Variants in KLRG1 observed in about 807,000 individuals in gnomAD.
KLRG1 encodes the protein killer cell lectin-like receptor subfamily G member 1.
A neutral mutation model predicts 21.8 loss-of-function variants in KLRG1; 16 were observed. The observed-to-expected ratio is 0.73, with a 90% CI of 0.50 to 1.11. The LOEUF (loss-of-function observed/expected upper bound fraction) is 1.11, where lower values mean the gene tolerates loss of function less well. Among genes scored for constraint, KLRG1 ranks in the 50% most tolerant of loss-of-function variants. The pLI is 0.00. For missense variants in KLRG1, 173 were observed against 218.3 expected (o/e 0.79, Z 1.31); for synonymous variants, 69 against 75.9 (o/e 0.91, Z 0.47).
the KLRG1 span, chr12:9,072,799 G>C: frequency 1.2e-6 from 2 of 1,614,212 alleles, no homozygotes; most frequent in African/African-American, 1.3e-5. Flanking sequence ...ATAGTCACCT[G>C]TGCAGCCTTC....
chr12:9,021,124 T>A, the KLRG1 span, among the ~76,000 whole-genome samples: 3 of 152,086 alleles, frequency 2.0e-5, no homozygotes, highest in South Asian at 6.2e-4. Flanking sequence ...CATATGACAC[T>A]TACCATGAAT....
the KLRG1 span, chr12:9,169,785 G>A: frequency 2.2e-6 from 1 of 456,186 alleles, no homozygotes; most frequent in Non-Finnish European, 3.7e-6. Context: ...AACCTACTTG[G>A]GAAAATGCTT....
chr12:9,117,889 C>T, the KLRG1 span, among the ~76,000 whole-genome samples: 2 of 151,880 alleles, frequency 1.3e-5, no homozygotes, highest in African/African-American at 4.8e-5. Flanking sequence ...ATCTTAAAGA[C>T]TTTTTTTTCA....
the KLRG1 span, among the ~76,000 whole-genome samples, chr12:9,181,592 G>A: frequency 6.6e-6 from 1 of 152,078 alleles, no homozygotes; most frequent in African/African-American, 2.4e-5. Flanking sequence ...AGATAACTGA[G>A]GCAGAATAAG....
the KLRG1 span, among the ~76,000 whole-genome samples, chr12:9,191,611 A>G: frequency 6.6e-6 from 1 of 152,132 alleles, no homozygotes; most frequent in Non-Finnish European, 1.5e-5. Flanking sequence ...GGTGTGGTGG[A>G]AATTGGTAAA....
At chr12:9,150,797 T>C in the KLRG1 span, 1 of 1,129,852 alleles carries the variant, frequency 8.9e-7, no homozygotes, top group Non-Finnish European at 1.3e-6. Flanking sequence ...TCCTTCTTTC[T>C]CCCATGAGCA....
chr12:9,212,745 A>G, the KLRG1 span, among the ~76,000 whole-genome samples: 195 of 152,198 alleles, frequency 1.3e-3, no homozygotes, highest in Non-Finnish European at 2.2e-3. Context: ...TCTGAAAAAA[A>G]AAACCAGTAA....
At chr12:9,214,028 C>CT in the KLRG1 span, among the ~76,000 whole-genome samples, 1 of 151,970 alleles carries the variant, frequency 6.6e-6, no homozygotes, top group Non-Finnish European at 1.5e-5. Context: ...AGGGGTCCAA[C>CT]TCCAATCTTT....
At chr12:9,101,051 T>G in the KLRG1 span, 1 of 1,207,476 alleles carries the variant, frequency 8.3e-7, no homozygotes, top group Non-Finnish European at 1.2e-6. Context: ...CAAAAACCTA[T>G]GGAAAAAAAG....
chr12:9,180,913 C>G, the KLRG1 span: 4 of 1,526,460 alleles, frequency 2.6e-6, no homozygotes, highest in South Asian at 1.3e-5. Flanking sequence ...TGACAAAGGG[C>G]TAATAGAGGC....
chr12:8,971,518 C>T (rs1946566826), intron 1 of KLRG1, among the ~76,000 whole-genome samples: 1 of 152,136 alleles, frequency 6.6e-6, no homozygotes, highest in Middle Eastern at 3.4e-3. Context: ...CAGATTCTTG[C>T]TCTGTTGCCC....
chr12:9,097,355 C>G, the KLRG1 span, among the ~76,000 whole-genome samples: 2 of 151,930 alleles, frequency 1.3e-5, no homozygotes, highest in African/African-American at 4.8e-5. Context: ...GTAGAAAAAG[C>G]TTCAGTAAGA....
the KLRG1 span, among the ~76,000 whole-genome samples, chr12:9,186,848 T>C: frequency 1.0e-3 from 24 of 23,000 alleles, no homozygotes; most frequent in Middle Eastern, 0.025. Context: ...CTGGGGCCTG[T>C]CGGGGGTGGG....
At position 9,009,629 on chromosome 12, in the gene KLRG1, T is replaced by C; in HGVS notation, c.*92T>C. ...GGCTGTTGGGAAAGCCATGAGTATATAGTTAGCAAATACTGAACTTTCTCA... is the reference window on the plus strand; with the variant it reads ...GGCTGTTGGGAAAGCCATGAGTATACAGTTAGCAAATACTGAACTTTCTCA... On this transcript the variant is annotated 3_prime_UTR_variant, in exon 5 of 5. Coordinates refer to ENST00000356986, the MANE Select transcript of KLRG1 (RefSeq NM_005810.4). The C allele has an allele frequency of 1.6e-5, 25 of 1,521,974 alleles. No homozygotes were observed. Among genetic ancestry groups the C allele is most frequent in the Non-Finnish European group, 2.2e-5 (25 of 1,139,248 alleles). 94.3% of individuals were successfully genotyped at this position (1,521,974 alleles called of 1,614,324 possible).
At chr12:9,192,681 T>C in the KLRG1 span, 2 of 1,614,034 alleles carry the variant, frequency 1.2e-6, no homozygotes, top group Non-Finnish European at 1.7e-6. Context: ...CTGAGCACCC[T>C]GGTGGTCTTC....
chr12:8,965,433 A>C (rs1199811883), intron 1 of KLRG1, among the ~76,000 whole-genome samples: 1 of 152,220 alleles, frequency 6.6e-6, no homozygotes, highest in African/African-American at 2.4e-5. Flanking sequence ...TATACCTAGA[A>C]AACCCCATTG....
At chr12:9,214,293 T>G in the KLRG1 span, among the ~76,000 whole-genome samples, 1 of 152,026 alleles carries the variant, frequency 6.6e-6, no homozygotes, top group African/African-American at 2.4e-5. Context: ...TTTTTTTCCC[T>G]TCAACATTGT....
chr12:9,140,092 G>C, the KLRG1 span, among the ~76,000 whole-genome samples: 1 of 152,150 alleles, frequency 6.6e-6, no homozygotes, highest in Non-Finnish European at 1.5e-5. Flanking sequence ...AATGTTTCTG[G>C]TCAGAGATGT....
chr12:8,973,905 T>C (rs1173381015), intron 1 of KLRG1, among the ~76,000 whole-genome samples: 1 of 152,198 alleles, frequency 6.6e-6, no homozygotes, highest in Non-Finnish European at 1.5e-5. Context: ...TATGTTGATT[T>C]TGTATTCTGC....
Sources: allele counts gnomAD v4.1 joint callset (sites outside exome capture counted in the v4.1 genomes callset), GRCh38; gene constraint gnomAD v4.1.1; transcripts MANE v1.5; gene names NCBI Gene and HGNC (gene_info 2026-07-23, HGNC 2026-07-21).